The following CDKL3 variants were observed in gnomAD, a reference collection of about 807,000 sequenced individuals.
CDKL3 encodes cyclin dependent kinase like 3.
In CDKL3, 65 loss-of-function variants were observed where a neutral mutation model predicts 69.3. The ratio of observed to expected loss-of-function variants is 0.94; its 90% confidence interval spans 0.77 to 1.15. The LOEUF (loss-of-function observed/expected upper bound fraction) is 1.15. Among genes scored for constraint, CDKL3 ranks in the 50% most tolerant of loss-of-function variants. The pLI is 0.00. For missense variants in CDKL3, 652 were observed against 689.2 expected, an observed-to-expected ratio of 0.95 and a Z score of 0.61; for synonymous variants, 202 against 221.6, an observed-to-expected ratio of 0.91 and a Z score of 0.79.
At chr5:134,340,342 A>G (rs750125359) in intron 4 of CDKL3, among the ~76,000 whole-genome samples, 1 of 152,326 alleles carries the variant, frequency 6.6e-6, no homozygotes, top group Non-Finnish European at 1.5e-5. Context: ...AAACTAAACC[A>G]AGCAAACAAA....
At chr5:134,371,498 C>CGGT (rs1232743216), upstream of CDKL3, 3 of 1,390,920 alleles carry the variant, frequency 2.2e-6, no homozygotes, top group Non-Finnish European at 2.8e-6. Flanking sequence ...GCGGCGGCGG[C>CGGT]GGCGGCGATC....
intron 4 of CDKL3, among the ~76,000 whole-genome samples, chr5:134,330,057 A>T (rs1431159141): frequency 6.6e-6 from 1 of 151,900 alleles, no homozygotes; most frequent in Non-Finnish European, 1.5e-5. Flanking sequence ...AAGAAAAAAT[A>T]AAAATATAAA....
chr5:134,369,002 G>A (rs962881086), upstream of CDKL3, among the ~76,000 whole-genome samples: 3 of 152,174 alleles, frequency 2.0e-5, no homozygotes, highest in African/African-American at 7.2e-5. Context: ...ACTCCAACCT[G>A]GGTGACAGAG....
At chr5:134,370,148 C>T (rs905589527), upstream of CDKL3, among the ~76,000 whole-genome samples, 1 of 152,170 alleles carries the variant, frequency 6.6e-6, no homozygotes, top group African/African-American at 2.4e-5. Flanking sequence ...GAATCAGGGG[C>T]AAGGCTGAGG....
chr5:134,320,462 C>T (rs1245707589), intron 5 of CDKL3, among the ~76,000 whole-genome samples: 1 of 151,996 alleles, frequency 6.6e-6, no homozygotes, highest in East Asian at 1.9e-4. Flanking sequence ...CCTGTAGTCC[C>T]AGCCACTCAG....
chr5:134,342,928 C>T (rs1015694786), intron 4 of CDKL3, among the ~76,000 whole-genome samples: 4 of 151,992 alleles, frequency 2.6e-5, no homozygotes, highest in African/African-American at 7.3e-5. Flanking sequence ...GTGTCGGCTG[C>T]GTGCGGTGGC....
intron 4 of CDKL3, among the ~76,000 whole-genome samples, chr5:134,348,249 T>C (rs1434999783): frequency 6.6e-6 from 1 of 152,076 alleles, no homozygotes; most frequent in Non-Finnish European, 1.5e-5. Context: ...AGGAAATGAT[T>C]ACAATAAAAA....
At chr5:134,308,113 A>C (rs1457984537) in intron 9 of CDKL3, 25 bp downstream of exon 9, 4 of 1,582,208 alleles carry the variant, frequency 2.5e-6, no homozygotes, top group Non-Finnish European at 3.4e-6. Context: ...TGTATTATTT[A>C]GGTTTCTTCT....
At chr5:134,346,443 C>A (rs1751892228) in intron 4 of CDKL3, among the ~76,000 whole-genome samples, 1 of 152,172 alleles carries the variant, frequency 6.6e-6, no homozygotes, top group African/African-American at 2.4e-5. Flanking sequence ...GCTAACCTAT[C>A]TTTTGTTATA....
chr5:134,322,609 CCTAGACCTCCACCTA>C (rs1773090510), intron 4 of CDKL3, among the ~76,000 whole-genome samples: 1 of 152,098 alleles, frequency 6.6e-6, no homozygotes, highest in African/African-American at 2.4e-5. Flanking sequence ...TTGGAAACAA[CCTAGACCTCCACCTA>C]TAAGGGAATG....
downstream of CDKL3, among the ~76,000 whole-genome samples, chr5:134,297,224 T>C (rs1423610261): frequency 6.6e-6 from 1 of 152,160 alleles, no homozygotes; most frequent in Non-Finnish European, 1.5e-5. Flanking sequence ...AGTGCTGGGA[T>C]TATAGGCGTG....
intron 2 of CDKL3, among the ~76,000 whole-genome samples, chr5:134,364,229 C>CTCCA (rs1756814869): frequency 6.6e-6 from 1 of 152,126 alleles, no homozygotes; most frequent in South Asian, 2.1e-4. Flanking sequence ...ATGCTCCTTT[C>CTCCA]TCCACACTCC....
Position 134,319,377 on chromosome 5 carries a change from A to G in CDKL3, c.773T>C (p.Leu258Ser). The change falls in exon 6 of 13, where the codon TTG becomes TCG. Residue 258 changes from leucine (L) to serine (S), a missense_variant. By Grantham distance (145) the Leu-to-Ser change is moderately radical. Transcript: ENST00000265334. The part of the protein sequence containing the change: ...ARKKYPKLNG[L>S]LADIVHACLQ... ...ACATACATGAACTATATCTGCCAACAATCCATTAAGCTTTGGATATTTTTT... is the reference window on the plus strand; with the variant it reads ...ACATACATGAACTATATCTGCCAACGATCCATTAAGCTTTGGATATTTTTT... The G allele has an allele frequency of 2.0e-6, 3 of 1,522,936 alleles. No individual in the cohort carries two copies. The highest frequency in any genetic ancestry group is 2.6e-6 in the Non-Finnish European group (3 of 1,139,118). The allele number at this position is 1,522,936 out of a possible 1,614,324, so 94.3% of individuals were successfully genotyped here.
intron 12 of CDKL3, among the ~76,000 whole-genome samples, chr5:134,301,636 C>T (rs1002559634): frequency 1.3e-5 from 2 of 152,062 alleles, no homozygotes; most frequent in African/African-American, 2.4e-5. Context: ...AATCCCAGCA[C>T]TTTGGGAGGC....
At chr5:134,314,038 G>A (rs977732259) in intron 6 of CDKL3, among the ~76,000 whole-genome samples, 5 of 152,054 alleles carry the variant, frequency 3.3e-5, no homozygotes, top group African/African-American at 7.2e-5. Context: ...CCAGCCACTC[G>A]GAGGCTAAGG....
At chr5:134,348,367 T>G (rs1752450177) in intron 4 of CDKL3, among the ~76,000 whole-genome samples, 2 of 152,200 alleles carry the variant, frequency 1.3e-5, no homozygotes, top group African/African-American at 4.8e-5. Flanking sequence ...GATCAGGTGG[T>G]GGAGCTATCC....
At chr5:134,285,947 C>A (rs1764841530), downstream of CDKL3, among the ~76,000 whole-genome samples, 1 of 152,106 alleles carries the variant, frequency 6.6e-6, no homozygotes, top group African/African-American at 2.4e-5. Flanking sequence ...CATGGTGAAA[C>A]CCCGTCTCCA....
chr5:134,356,349 C>T (rs915045371), intron 3 of CDKL3, among the ~76,000 whole-genome samples: 34 of 152,312 alleles, frequency 2.2e-4, no homozygotes, highest in African/African-American at 7.2e-4. Context: ...TTTGCCTGCT[C>T]GCCCACCACT....
At chr5:134,344,663 C>T (rs1226837714) in intron 4 of CDKL3, among the ~76,000 whole-genome samples, 1 of 152,154 alleles carries the variant, frequency 6.6e-6, no homozygotes, top group African/African-American at 2.4e-5. Context: ...GTGGCTCACA[C>T]CTATCATCCT....
Sources: gnomAD v4.1 joint callset for allele counts (sites outside exome capture counted in the v4.1 genomes callset) on GRCh38, gnomAD v4.1.1 for gene constraint, MANE v1.5 for transcripts, NCBI Gene and HGNC (gene_info 2026-07-23, HGNC 2026-07-21) for gene names.